The following AP3M1 variants were observed in gnomAD, a reference collection of about 807,000 sequenced individuals.
AP3M1 encodes adaptor related protein complex 3 subunit mu 1, also known as AP-3 complex subunit mu-1.
A neutral mutation model predicts 42.6 loss-of-function variants in AP3M1; 29 were observed. The observed-to-expected ratio is 0.68, with a 90% CI of 0.51 to 0.93. The LOEUF (loss-of-function observed/expected upper bound fraction) is 0.93, where lower values mean the gene tolerates loss of function less well. Ranked by LOEUF, AP3M1 falls within the 40% of genes least tolerant of loss-of-function variation. The pLI, the probability that AP3M1 is intolerant of heterozygous loss-of-function variation, is 0.00. For missense variants in AP3M1, 416 were observed against 510.2 expected, an observed-to-expected ratio of 0.82 and a Z score of 1.78; for synonymous variants, 178 against 175.3, an observed-to-expected ratio of 1.02 and a Z score of -0.12.
At chr10:74,138,933 T>TAAAAAA (rs749165720) in intron 1 of AP3M1, 1 of 51,668 alleles carries the variant, frequency 1.9e-5, no homozygotes, top group African/African-American at 8.5e-5. Flanking sequence ...AGACACTATC[T>TAAAAAA]AAAAAAAAAA....
At chr10:74,133,530 C>T (rs1840844882) in intron 4 of AP3M1, among the ~76,000 whole-genome samples, 1 of 152,056 alleles carries the variant, frequency 6.6e-6, no homozygotes, top group African/African-American at 2.4e-5. Flanking sequence ...GATTGCACTC[C>T]AGCCTGGACA....
At chr10:74,132,799 T>C (rs745629635) in intron 4 of AP3M1, among the ~76,000 whole-genome samples, 2 of 152,062 alleles carry the variant, frequency 1.3e-5, no homozygotes, top group Admixed American at 6.5e-5. Context: ...GCATGGTATA[T>C]AGCAGATTTT....
Position 74,136,632 on chromosome 10 carries a change from C to G in AP3M1, c.445G>C (p.Gly149Arg). ...ILRSVVNSIT[G>R]SSNVGDTLPT... The stretch of plus-strand genomic sequence containing the variant: ...CTAGCACAGTATGTTTTCATCTTAC[C>G]TGTAATAGAGTTGACAACAGAGCGT... The change falls in exon 3 of 9, where the codon GGC becomes CGC. Residue 149 changes from glycine to arginine, a missense_variant and splice_region_variant. By Grantham distance (125) the Gly-to-Arg change is moderately radical. Coordinates refer to ENST00000355264, the MANE Select transcript of AP3M1 (RefSeq NM_012095.6). 6.5e-7 allele frequency: 1 copy of G among 1,539,036 alleles called. No homozygotes were observed. Among genetic ancestry groups the G allele is most frequent in the Non-Finnish European group, 8.9e-7 (1 of 1,128,644 alleles).
intron 7 of AP3M1, 68 bp from the exon 8 acceptor site, chr10:74,124,592 T>G: frequency 7.4e-7 from 1 of 1,343,046 alleles, no homozygotes; most frequent in Non-Finnish European, 1.0e-6. Flanking sequence ...AAAACAAAGT[T>G]CAAAGATATC....
chr10:74,130,831 C>A (rs1041399075), intron 4 of AP3M1, among the ~76,000 whole-genome samples: 2 of 152,142 alleles, frequency 1.3e-5, no homozygotes, highest in East Asian at 3.9e-4. Context: ...AAACATTTGG[C>A]AGGACGCAGT....
At chr10:74,135,734 A>G (rs1454645596) in intron 3 of AP3M1, among the ~76,000 whole-genome samples, 1 of 152,182 alleles carries the variant, frequency 6.6e-6, no homozygotes, top group East Asian at 1.9e-4. Context: ...AGTCTTATAC[A>G]GTTATTTACT....
At chr10:74,128,225 C>T (rs917644595) in intron 6 of AP3M1, among the ~76,000 whole-genome samples, 22 of 149,888 alleles carry the variant, frequency 1.5e-4, no homozygotes, top group African/African-American at 5.4e-4. Flanking sequence ...CTACCTATAA[C>T]TCCGATCCCC....
At chr10:74,135,332 T>C (rs1319865755) in intron 3 of AP3M1, among the ~76,000 whole-genome samples, 1 of 152,230 alleles carries the variant, frequency 6.6e-6, no homozygotes, top group Non-Finnish European at 1.5e-5. Flanking sequence ...ATGCTCTTAT[T>C]CCTTCCTCAC....
Position 74,123,677 on chromosome 10 carries a change from C to T in AP3M1, c.*133G>A, listed in dbSNP as rs1840533679. ...GAATCCTACATTGATAACTAAGTAA[C>T]TTTGTTAGCGGTGTGTAGCTAGACA... On this transcript the variant is annotated 3_prime_UTR_variant, in exon 9 of 9. Transcript: ENST00000355264. 1 of 705,324 alleles carries T rather than the reference C, an allele frequency of 1.4e-6. No homozygotes were observed. 43.7% of individuals were successfully genotyped at this position (705,324 alleles called of 1,614,324 possible). A position where few individuals can be genotyped will look rare whatever the true frequency, so the allele number is the denominator to read the frequency against.
rs1177932444 is a variant in AP3M1, at chr10:74,141,254, G to A, written c.-3-2872C>T. Among the ~76,000 whole-genome samples the A allele has an allele frequency of 4.0e-5, 6 of 151,654 alleles. No individual in the cohort carries two copies. The East Asian group carries it at 7.7e-4, about 20-fold the overall frequency. Reference sequence around the variant, plus strand: ...CTTGAGCCCAGGAGTTTGAGACCCCGTCTCTATAAAAAAATTTAAAAACTA... The same window carrying A: ...CTTGAGCCCAGGAGTTTGAGACCCCATCTCTATAAAAAAATTTAAAAACTA... On this transcript the variant is annotated intron_variant, in intron 1 of 8. Transcript: ENST00000355264.
chr10:74,141,172 G>C (rs1055846799), intron 1 of AP3M1, among the ~76,000 whole-genome samples: 1 of 152,182 alleles, frequency 6.6e-6, no homozygotes, highest in Admixed American at 6.5e-5. Context: ...GAAGGGCCAG[G>C]TGTGGTGACT....
At chr10:74,125,002 C>T (rs1840573314) in intron 7 of AP3M1, among the ~76,000 whole-genome samples, 1 of 151,754 alleles carries the variant, frequency 6.6e-6, no homozygotes, top group Admixed American at 6.6e-5. Flanking sequence ...TTTTTTGAGA[C>T]AGAGTTTCAC....
In AP3M1 at chr10:74,127,404, G is replaced by A. The variant is rs548513542; in HGVS notation, c.804-1049C>T. 1.4e-4 allele frequency among the ~76,000 whole-genome samples: 21 copies of A among 152,208 alleles called. No individual in the cohort carries two copies. In the East Asian group the frequency reaches 3.9e-3, roughly 28 times the overall value. On this transcript the variant is annotated intron_variant, in intron 6 of 8. Transcript: ENST00000355264. ...CACACCTGTAATCCCAGCACTTTGG[G>A]AGGCCAAGGCAGGCAGATCACTGGA...
intron 3 of AP3M1, among the ~76,000 whole-genome samples, chr10:74,135,452 C>A (rs1172465900): frequency 6.6e-6 from 1 of 152,114 alleles, no homozygotes; most frequent in African/African-American, 2.4e-5. Flanking sequence ...TCTAATGAAT[C>A]TGTTATGTTT....
intron 6 of AP3M1, 71 bp from the exon 7 acceptor site, chr10:74,126,426 A>T: frequency 3.1e-6 from 4 of 1,281,982 alleles, no homozygotes; most frequent in Non-Finnish European, 3.3e-6. Context: ...CTCCAGAGGT[A>T]TCCTGAAAAC....
At chr10:74,130,057 C>T (rs1840737407) in intron 4 of AP3M1, 65 bp from the exon 5 acceptor site, 4 of 1,048,202 alleles carry the variant, frequency 3.8e-6, no homozygotes, top group African/African-American at 1.6e-5. Context: ...AGACCTATCA[C>T]TGTATCTTTT....
intron 1 of AP3M1, among the ~76,000 whole-genome samples, chr10:74,143,415 A>C (rs1427196222): frequency 1.3e-5 from 2 of 152,084 alleles, no homozygotes; most frequent in African/African-American, 4.8e-5. Flanking sequence ...ATGCCCAGCT[A>C]GTTTTTCTGT....
At chr10:74,148,884 T>C (rs903667138) in intron 1 of AP3M1, among the ~76,000 whole-genome samples, 15 of 151,826 alleles carry the variant, frequency 9.9e-5, no homozygotes, top group Admixed American at 1.3e-4. Flanking sequence ...TTTGTTTTTT[T>C]TTTTTTTGAG....
chr10:74,136,540 C>G, intron 3 of AP3M1, 92 bp downstream of exon 3: 1 of 1,016,954 alleles, frequency 9.8e-7, no homozygotes, highest in East Asian at 2.9e-5. Flanking sequence ...CCAAATTGTA[C>G]TACCTTAATA....
Sources: allele counts gnomAD v4.1 joint callset (sites outside exome capture counted in the v4.1 genomes callset), GRCh38; gene constraint gnomAD v4.1.1; transcripts MANE v1.5; gene names NCBI Gene and HGNC (gene_info 2026-07-23, HGNC 2026-07-21).